The following ZHX3 variants were observed in gnomAD, a reference collection of about 807,000 sequenced individuals.
ZHX3 encodes zinc fingers and homeoboxes protein 3.
In ZHX3, 20 loss-of-function variants were observed where a neutral mutation model predicts 64.5. The ratio of observed to expected loss-of-function variants is 0.31; its 90% CI spans 0.22 to 0.45. ZHX3 has a LOEUF of 0.45. Ranked by LOEUF, ZHX3 falls within the 20% of genes least tolerant of loss-of-function variation. The pLI, the probability that ZHX3 is intolerant of heterozygous loss-of-function variation, is 1.00. For synonymous variants in ZHX3, 423 were observed against 461.6 expected, an observed-to-expected ratio of 0.92 and a Z score of 1.07; for missense variants, 1,041 against 1,195.8, an observed-to-expected ratio of 0.87 and a Z score of 1.91.
chr20:41,204,304 T>C lies in ZHX3; in HGVS notation c.613A>G (p.Asn205Asp). The C allele has an allele frequency of 6.2e-7, 1 of 1,614,206 alleles. No homozygotes were observed. Among genetic ancestry groups the C allele is most frequent in the Non-Finnish European group, 8.5e-7 (1 of 1,180,030 alleles). Residue 205 changes from asparagine (N) to aspartate (D), a missense_variant, in exon 3 of 4, where the codon AAT (asparagine) becomes GAT (aspartate). Coordinates refer to ENST00000683867, the MANE Select transcript of ZHX3 (RefSeq NM_001384317.1). The surrounding 1 kb of genome is among the most constrained non-coding windows in gnomAD (Gnocchi z 6.6). ...TCACCCACAGGCTGGCTAGGGACAT[T>C]CTCCTTGAGTGTATGAATTTTTTTG... ...EAKKIHTLKE[N>D]VPSQPVGEAL...
At chr20:41,289,735 G>C (rs1356150768) in intron 1 of ZHX3, among the ~76,000 whole-genome samples, 1 of 148,642 alleles carries the variant, frequency 6.7e-6, no homozygotes, top group African/African-American at 2.5e-5. Flanking sequence ...GCCAATGAAA[G>C]CTCTCTGGCC....
At position 41,237,157 on chromosome 20, in the gene ZHX3, T is replaced by A. The variant is rs1432179187; in HGVS notation, c.-151+31833A>T. Among the ~76,000 whole-genome samples, 6 of 152,220 alleles carry A rather than the reference T, an allele frequency of 3.9e-5. No homozygotes were observed. The South Asian group carries it at 8.3e-4, about 21-fold the overall frequency. On this transcript the variant is annotated intron_variant, in intron 2 of 3. Coordinates refer to ENST00000683867, the MANE Select transcript of ZHX3 (RefSeq NM_001384317.1). The stretch of plus-strand genomic sequence containing the variant: ...TGGAAAAATAGGAACACTTTTACAC[T>A]GTTGGGGGGACTGTAAACTAGTTCA...
intron 1 of ZHX3, chr20:41,269,627 C>T (rs934497638): frequency 1.3e-5 from 2 of 152,172 alleles, no homozygotes; most frequent in Non-Finnish European, 2.9e-5. Flanking sequence ...CAACAGACAA[C>T]CAGAGATGCT....
At chr20:41,227,757 A>G (rs896072211) in intron 2 of ZHX3, among the ~76,000 whole-genome samples, 2 of 152,128 alleles carry the variant, frequency 1.3e-5, no homozygotes, top group African/African-American at 2.4e-5. Context: ...TTAATGTTAC[A>G]TATTGGTTTG....
At chr20:41,260,484 G>C (rs1267964185) in intron 2 of ZHX3, among the ~76,000 whole-genome samples, 3 of 152,120 alleles carry the variant, frequency 2.0e-5, no homozygotes, top group Non-Finnish European at 4.4e-5. Context: ...GTCACTTCTG[G>C]ACCAAGGTTA....
At position 41,202,119 on chromosome 20, in the gene ZHX3, C is replaced by T. The variant is rs372943167; in HGVS notation, c.2798G>A (p.Arg933His). 4.2e-5 allele frequency: 67 copies of T among 1,613,788 alleles called. No individual in the cohort carries two copies. Among genetic ancestry groups the T allele is most frequent in the African/African-American group, 1.9e-4 (14 of 75,036 alleles). The change falls in exon 3 of 4, where the codon CGT becomes CAT. Residue 933 changes from arginine to histidine, a missense_variant. Around this residue, in one of 4 missense-constraint regions of ZHX3, gnomAD observed 649 missense variants for 739.8 expected, o/e 0.88. Coordinates refer to ENST00000683867, the MANE Select transcript of ZHX3 (RefSeq NM_001384317.1). This position sits in a 1 kb window ranked among gnomAD's most constrained non-coding sequence, Gnocchi z 7.0. ...GGGCTCTGAGCTGGCCTCAGGGACA[C>T]GGGGCTCCCACGACTCACTGTTCTC... ...VSENSESWEP[R>H]VPEASSEPFD...
chr20:41,209,710 A>T (rs1290063824), intron 2 of ZHX3, among the ~76,000 whole-genome samples: 2 of 152,222 alleles, frequency 1.3e-5, no homozygotes, highest in Admixed American at 6.5e-5. Context: ...TGGATTAAAG[A>T]CTTAAATGTT....
chr20:41,315,166 A>T (rs1450111093), intron 1 of ZHX3, among the ~76,000 whole-genome samples: 1 of 152,110 alleles, frequency 6.6e-6, no homozygotes, highest in Non-Finnish European at 1.5e-5. Context: ...CAGCAAATGC[A>T]AAGGCACTGA....
chr20:41,241,100 C>A (rs2041352411), intron 2 of ZHX3, among the ~76,000 whole-genome samples: 1 of 152,158 alleles, frequency 6.6e-6, no homozygotes, highest in South Asian at 2.1e-4. Flanking sequence ...AACTGTTCTC[C>A]ACAGTGGGAA....
intron 3 of ZHX3, among the ~76,000 whole-genome samples, chr20:41,192,258 A>T (rs2146145269): frequency 6.6e-6 from 1 of 152,266 alleles, no homozygotes; most frequent in African/African-American, 2.4e-5. Context: ...ATGGTGGTGG[A>T]CTAGGCTGGA....
intron 2 of ZHX3, among the ~76,000 whole-genome samples, chr20:41,259,517 A>G (rs1272869651): frequency 6.6e-6 from 1 of 152,182 alleles, no homozygotes; most frequent in Non-Finnish European, 1.5e-5. Flanking sequence ...ACTCCACACT[A>G]TGGAATACCC....
intron 1 of ZHX3, among the ~76,000 whole-genome samples, chr20:41,278,210 G>A (rs1219810991): frequency 7.2e-6 from 1 of 137,982 alleles, no homozygotes; most frequent in Non-Finnish European, 1.6e-5. Context: ...GGGTGTTGGG[G>A]GTAACACTTG....
intron 2 of ZHX3, among the ~76,000 whole-genome samples, chr20:41,230,403 A>T (rs1411217837): frequency 6.6e-6 from 1 of 152,164 alleles, no homozygotes; most frequent in Non-Finnish European, 1.5e-5. Context: ...GGAGCAGGAT[A>T]TCACTGTGGC....
intron 2 of ZHX3, among the ~76,000 whole-genome samples, chr20:41,259,172 G>T (rs1279967694): frequency 6.6e-6 from 1 of 152,140 alleles, no homozygotes; most frequent in Non-Finnish European, 1.5e-5. Flanking sequence ...TTCCACCATG[G>T]ACTTTGGGCA....
At chr20:41,244,733 A>T (rs1210022624) in intron 2 of ZHX3, among the ~76,000 whole-genome samples, 1 of 152,192 alleles carries the variant, frequency 6.6e-6, no homozygotes, top group Non-Finnish European at 1.5e-5. Flanking sequence ...TGCTAATAGA[A>T]TAGTCATAAT....
At chr20:41,301,503 A>T (rs944985196) in intron 1 of ZHX3, among the ~76,000 whole-genome samples, 18 of 152,096 alleles carry the variant, frequency 1.2e-4, no homozygotes, top group African/African-American at 3.9e-4. Context: ...GTCTCCTTTC[A>T]GTCCTTGAAT....
Position 41,195,165 on chromosome 20 carries a change from C to T in ZHX3, c.2860+6892G>A, listed in dbSNP as rs1017306004. Among the ~76,000 whole-genome samples the T allele has an allele frequency of 6.6e-6, 1 of 152,174 alleles. No individual in the cohort carries two copies. The highest frequency in any genetic ancestry group is 1.5e-5 in the Non-Finnish European group (1 of 68,044). On this transcript the variant is annotated intron_variant, in intron 3 of 3. Coordinates refer to ENST00000683867, the MANE Select transcript of ZHX3 (RefSeq NM_001384317.1). The surrounding 1 kb of genome is among the most constrained non-coding windows in gnomAD (Gnocchi z 4.2). The stretch of plus-strand genomic sequence containing the variant: ...ATGGGGTCTTACGCTGTCACCCAGG[C>T]TGGAATGCAGTGGTGCAAGTATAGC...
intron 2 of ZHX3, among the ~76,000 whole-genome samples, chr20:41,260,875 T>G (rs2042528299): frequency 6.6e-6 from 1 of 152,238 alleles, no homozygotes. Flanking sequence ...TAGTAGCTGG[T>G]AGAGCCAGGA....
At chr20:41,249,757 A>G (rs777761354) in intron 2 of ZHX3, among the ~76,000 whole-genome samples, 4 of 152,242 alleles carry the variant, frequency 2.6e-5, no homozygotes, top group Non-Finnish European at 4.4e-5. Flanking sequence ...TGTAAGCACA[A>G]CTGTAAATCC....
Sources: gnomAD v4.1 joint callset for allele counts (sites outside exome capture counted in the v4.1 genomes callset) on GRCh38, gnomAD v4.1.1 for gene constraint, gnomAD v4.1.1 regional missense constraint, Gnocchi (gnomAD v3.1) non-coding constraint, MANE v1.5 for transcripts, NCBI Gene and HGNC (gene_info 2026-07-23, HGNC 2026-07-21) for gene names.